Variants in EXO1 observed in about 807,000 individuals in gnomAD.
The protein encoded by EXO1 is exonuclease 1.
Under a neutral mutation model 84.5 loss-of-function variants are expected in EXO1, and 69 were observed. The ratio of observed to expected loss-of-function variants is 0.82; its 90% CI spans 0.67 to 1.00. The LOEUF (loss-of-function observed/expected upper bound fraction) is 1.00, where lower values mean the gene tolerates loss of function less well. EXO1 is among the 50% of genes least tolerant of loss of function. The probability of loss-of-function intolerance (pLI) is 0.00; values close to 1 mark genes in which losing one functional copy is unlikely to be tolerated. For synonymous variants in EXO1, 373 were observed against 366.1 expected (o/e 1.02, Z -0.21); for missense variants, 1,045 against 1,000.7 (o/e 1.04, Z -0.60).
chr1:241,861,243 A>G (rs899242911), intron 9 of EXO1, among the ~76,000 whole-genome samples, 163 bp from the exon 10 acceptor site: 1 of 152,256 alleles, frequency 6.6e-6, no homozygotes, highest in Non-Finnish European at 1.5e-5. Context: ...AGACTAGCAA[A>G]CTGTGTCTGC....
At chr1:241,885,077 G>C (rs574514706) in intron 14 of EXO1, among the ~76,000 whole-genome samples, 1 of 151,934 alleles carries the variant, frequency 6.6e-6, no homozygotes, top group Non-Finnish European at 1.5e-5. Flanking sequence ...CGTGGTGGCG[G>C]GTGCCTGTAG....
chr1:241,862,227 C>T (rs559629500), intron 10 of EXO1, among the ~76,000 whole-genome samples: 5 of 152,280 alleles, frequency 3.3e-5, no homozygotes, highest in East Asian at 3.9e-4. Flanking sequence ...CGTGAGCCAC[C>T]ACTCCTAGCC....
intron 11 of EXO1, 80 bp downstream of exon 11, chr1:241,867,135 G>T: frequency 9.6e-7 from 1 of 1,043,494 alleles, no homozygotes; most frequent in Non-Finnish European, 1.5e-6. Context: ...AAGTCGCGAA[G>T]ATTTTCTCCT....
In EXO1 at chr1:241,850,409, G is replaced by A. The variant is rs766537209; in HGVS notation, c.-17G>A. 1.9e-6 allele frequency: 3 copies of A among 1,598,788 alleles called. No homozygotes were observed. The highest frequency in any genetic ancestry group is 1.3e-5 in the African/African-American group (1 of 74,680). Reference sequence around the variant, plus strand: ...TTCTCCCTGTCTCTTTTCATATCAGGTAGTTAATTTGGCACCATGGGGATA... The same window carrying A: ...TTCTCCCTGTCTCTTTTCATATCAGATAGTTAATTTGGCACCATGGGGATA... On this transcript the variant is annotated splice_region_variant and 5_prime_UTR_variant, in exon 4 of 16. Coordinates refer to ENST00000366548, the MANE Select transcript of EXO1 (RefSeq NM_130398.4).
At chr1:241,881,304 T>G (rs1662738269) in intron 13 of EXO1, among the ~76,000 whole-genome samples, 1 of 152,170 alleles carries the variant, frequency 6.6e-6, no homozygotes, top group South Asian at 2.1e-4. Flanking sequence ...AGTGCTGGGA[T>G]TACAGGCATG....
rs551592115 is a variant in EXO1 at position 241,853,224 on chromosome 1, G to A, written c.282-134G>A. On this transcript the variant is annotated intron_variant, in intron 5 of 15. Transcript: ENST00000366548. ...AGCATCTGGGTTAATGTTCTCAAGGGCCTGGTGTGTACTTTCTAATGAGTC... is the reference window on the plus strand; with the variant it reads ...AGCATCTGGGTTAATGTTCTCAAGGACCTGGTGTGTACTTTCTAATGAGTC... 14 of 846,150 alleles carry A rather than the reference G, an allele frequency of 1.7e-5. No individual in the cohort carries two copies. In the Admixed American group the frequency reaches 2.6e-4, roughly 16 times the overall value. The allele number at this position is 846,150 out of a possible 1,614,324, so 52.4% of individuals were successfully genotyped here.
chr1:241,857,262 G>A, intron 6 of EXO1, 83 bp from the exon 7 acceptor site: 1 of 1,343,238 alleles, frequency 7.4e-7, no homozygotes, highest in Non-Finnish European at 1.1e-6. Context: ...GCTGAGGCTA[G>A]TAATAAAGTG....
chr1:241,865,189 A>C (rs995188227), intron 10 of EXO1, among the ~76,000 whole-genome samples: 3 of 147,762 alleles, frequency 2.0e-5, no homozygotes, highest in African/African-American at 7.5e-5. Context: ...ATATATATAT[A>C]TATATATTTT....
intron 10 of EXO1, among the ~76,000 whole-genome samples, chr1:241,864,673 C>A (rs141428840): frequency 1.3e-5 from 2 of 152,174 alleles, no homozygotes; most frequent in Admixed American, 1.3e-4. Context: ...CTTTGATATT[C>A]TCTTCTGCAG....
At chr1:241,887,675 G>A (rs1663145285) in intron 15 of EXO1, among the ~76,000 whole-genome samples, 1 of 152,020 alleles carries the variant, frequency 6.6e-6, no homozygotes, top group Admixed American at 6.6e-5. Flanking sequence ...GTCTCTCTTT[G>A]TCACCCAGGC....
At chr1:241,868,957 C>T (rs528595861) in intron 11 of EXO1, among the ~76,000 whole-genome samples, 24 of 152,188 alleles carry the variant, frequency 1.6e-4, no homozygotes, top group Non-Finnish European at 3.1e-4. Context: ...ACCTTGCTCA[C>T]GTCACGTATT....
intron 3 of EXO1, 127 bp from the exon 4 acceptor site, chr1:241,850,282 A>AC (rs1229285673): frequency 1.5e-6 from 1 of 648,028 alleles, no homozygotes; most frequent in African/African-American, 2.4e-5. Context: ...TCCGTCTCAA[A>AC]AAAAAAAAAA....
chr1:241,879,538 A>G (rs1025163055), intron 13 of EXO1, among the ~76,000 whole-genome samples, 195 bp downstream of exon 13: 36 of 152,252 alleles, frequency 2.4e-4, no homozygotes, highest in African/African-American at 8.2e-4. Context: ...TTAAACTGCA[A>G]TACATTTAAA....
At position 241,850,538 on chromosome 1, in the gene EXO1, G is replaced by T. The variant is rs1359226504; in HGVS notation, c.113G>T (p.Gly38Val). The change falls in exon 4 of 16, where the codon GGA (glycine) becomes GTA (valine). Residue 38 changes from glycine (G) to valine (V), a missense_variant. Gly to Val is a moderately radical substitution (Grantham distance 109). Coordinates refer to ENST00000366548, the MANE Select transcript of EXO1 (RefSeq NM_130398.4). ...GATACATATTGCTGGCTTCACAAAG[G>T]AGCTATTGCTTGTGCTGAAAAACTA... ...AVDTYCWLHK[G>V]AIACAEKLAK... The T allele has an allele frequency of 3.1e-6, 5 of 1,613,986 alleles. No individual in the cohort carries two copies. Among genetic ancestry groups the T allele is most frequent in the Non-Finnish European group, 4.2e-6 (5 of 1,179,938 alleles).
intron 11 of EXO1, among the ~76,000 whole-genome samples, chr1:241,870,647 T>TA (rs1558136190): frequency 1.3e-5 from 2 of 152,248 alleles, no homozygotes; most frequent in Non-Finnish European, 2.9e-5. Context: ...CAGGTATAGT[T>TA]ACATTTTAAA....
At chr1:241,864,907 G>A (rs1661620531) in intron 10 of EXO1, among the ~76,000 whole-genome samples, 1 of 149,942 alleles carries the variant, frequency 6.7e-6, no homozygotes, top group Admixed American at 6.6e-5. Flanking sequence ...TTTGAGACAG[G>A]GTCTCTTTCT....
intron 4 of EXO1, among the ~76,000 whole-genome samples, chr1:241,851,636 C>T (rs887601759): frequency 1.3e-5 from 2 of 152,162 alleles, no homozygotes; most frequent in African/African-American, 4.8e-5. Context: ...GCAGTGGTGT[C>T]CTGGAGCCAA....
Position 241,848,427 on chromosome 1 carries a change from C to T in EXO1, c.-420+74C>T, listed in dbSNP as rs1274397969. 6.6e-6 allele frequency: 1 copy of T among 152,346 alleles called. No homozygotes were observed. The highest frequency in any genetic ancestry group is 2.4e-5 in the African/African-American group (1 of 41,434). The allele number at this position is 152,346 out of a possible 1,614,324, so 9.4% of individuals were successfully genotyped here. ...GTCGACCTGCGCGTCACCTCCGACC[C>T]TCCTCTCGGGATTCGGGTCTTCCAG... On this transcript the variant is annotated intron_variant, in intron 1 of 15. Coordinates refer to ENST00000366548, the MANE Select transcript of EXO1 (RefSeq NM_130398.4). This position sits in a 1 kb window ranked among gnomAD's most constrained non-coding sequence, Gnocchi z 4.2.
chr1:241,851,189 G>T (rs1224998775), intron 4 of EXO1, among the ~76,000 whole-genome samples: 1 of 152,128 alleles, frequency 6.6e-6, no homozygotes, highest in Non-Finnish European at 1.5e-5. Flanking sequence ...GATGATTTCT[G>T]ACTCCCACAT....
Sources: gnomAD v4.1 joint callset for allele counts (sites outside exome capture counted in the v4.1 genomes callset) on GRCh38, gnomAD v4.1.1 for gene constraint, Gnocchi (gnomAD v3.1) non-coding constraint, MANE v1.5 for transcripts, NCBI Gene and HGNC (gene_info 2026-07-23, HGNC 2026-07-21) for gene names.